Variants in MYH2 observed in about 807,000 individuals in gnomAD.
MYH2 encodes myosin-2.
Under a neutral mutation model 228.1 loss-of-function variants are expected in MYH2, and 139 were observed. The ratio of observed to expected loss-of-function variants is 0.61; its 90% CI spans 0.53 to 0.70. The LOEUF is 0.70. MYH2 is among the 30% of genes least tolerant of loss of function. The pLI, the probability that MYH2 is intolerant of heterozygous loss-of-function variation, is 0.00. For missense variants in MYH2, 1,809 were observed against 2,357.5 expected (o/e 0.77, Z 4.82); for synonymous variants, 796 against 871.1 (o/e 0.91, Z 1.52).
Position 10,529,751 on chromosome 17 carries a change from G to T in MYH2, c.2941-11C>A, listed in dbSNP as rs1327116952. The T allele has an allele frequency of 6.2e-7, 1 of 1,614,038 alleles. No homozygotes were observed. The highest frequency in any genetic ancestry group is 1.7e-5 in the Admixed American group (1 of 60,016). On this transcript the variant is annotated splice_polypyrimidine_tract_variant and intron_variant, in intron 23 of 39. Transcript: ENST00000245503. ...TGTGAGGTTTTTCACCTACAAAGGT[G>T]AAGAAAGCAGTTTAGTTGCTATAAA... is the stretch of plus-strand genomic sequence containing the variant.
At chr17:10,523,021 T>A in intron 39 of MYH2, 69 bp downstream of exon 39, 1 of 1,115,120 alleles carries the variant, frequency 9.0e-7, no homozygotes, top group Non-Finnish European at 1.4e-6. Context: ...AGCAAACAGC[T>A]TGTTCACTAC....
At chr17:10,546,807 T>G (rs1474336907) in intron 4 of MYH2, among the ~76,000 whole-genome samples, 1 of 151,590 alleles carries the variant, frequency 6.6e-6, no homozygotes, top group Non-Finnish European at 1.5e-5. Context: ...AGGCCAGGCA[T>G]GATGGCTTAT....
Position 10,524,069 on chromosome 17 carries a change from T to A in MYH2, c.5176-185A>T, listed in dbSNP as rs1377252647. ...TATAAATGTTATAGAATATTCAGCATCTTCAAGTGTATAGGTCACAAGCAG... is the reference window on the plus strand; with the variant it reads ...TATAAATGTTATAGAATATTCAGCAACTTCAAGTGTATAGGTCACAAGCAG... On this transcript the variant is annotated intron_variant, in intron 35 of 39. Coordinates refer to ENST00000245503, the MANE Select transcript of MYH2 (RefSeq NM_017534.6). This position sits in a 1 kb window ranked among gnomAD's most constrained non-coding sequence, Gnocchi z 4.7. Among the ~76,000 whole-genome samples the A allele has an allele frequency of 6.6e-6, 1 of 152,232 alleles. No homozygotes were observed. Among genetic ancestry groups the A allele is most frequent in the Non-Finnish European group, 1.5e-5 (1 of 68,046 alleles).
Position 10,535,064 on chromosome 17 carries a change from G to A in MYH2, c.2180+9C>T, listed in dbSNP as rs2073467349. The A allele has an allele frequency of 1.2e-6, 2 of 1,613,482 alleles. No homozygotes were observed. The highest frequency in any genetic ancestry group is 1.3e-5 in the African/African-American group (1 of 75,018). ...ACTTCAGAATACACCATAATCAGGA[G>A]AAACTGACCTCTGTTTGAAGTCTGC... On this transcript the variant is annotated intron_variant, in intron 19 of 39. Transcript: ENST00000245503.
At chr17:10,544,228 T>C in intron 5 of MYH2, 101 bp from the exon 6 acceptor site, 1 of 1,455,548 alleles carries the variant, frequency 6.9e-7, no homozygotes, top group Non-Finnish European at 9.4e-7. Flanking sequence ...AGTCTGGACT[T>C]TGCAACCTTT....
At chr17:10,530,742 A>G (rs1038613199) in intron 22 of MYH2, among the ~76,000 whole-genome samples, 2 of 152,204 alleles carry the variant, frequency 1.3e-5, no homozygotes, top group Non-Finnish European at 2.9e-5. Flanking sequence ...GCAGGGTGCT[A>G]TGTATAACTG....
chr17:10,527,915 A>C (rs1388795467), intron 27 of MYH2, 41 bp from the exon 28 acceptor site: 3 of 1,602,422 alleles, frequency 1.9e-6, no homozygotes, highest in Non-Finnish European at 2.6e-6. Context: ...GAGACCTTTT[A>C]AGCGAATAAT....
In MYH2 at chr17:10,539,249, A is replaced by ACAC; in HGVS notation, c.1371_1372insGTG (p.Gln457_Tyr458insVal). 1 of 1,614,250 alleles carries ACAC rather than the reference A, an allele frequency of 6.2e-7. No homozygotes were observed. Among genetic ancestry groups the ACAC allele is most frequent in the Non-Finnish European group, 8.5e-7 (1 of 1,180,050 alleles). ...GCAATGTCCAAGACCCCGATGAAGT[A>ACAC]CTGCCTGGGCTGCTTGGTGTCCAGC... On this transcript the variant is annotated inframe_insertion, in exon 14 of 40. Transcript: ENST00000245503.
rs1376084938 is a variant in MYH2 at position 10,523,588 on chromosome 17, G to C, written c.5380C>G (p.Gln1794Glu). Reference protein sequence around the residue: ...HLERMKKNMEQTVKDLQLRLD... With the variant: ...HLERMKKNMEETVKDLQLRLD... ...CGGAGCTGCAGATCCTTCACGGTCT[G>C]CTCCATGTTCTTCTTCATCCGCTCC... is the stretch of plus-strand genomic sequence containing the variant. Residue 1794 changes from glutamine to glutamate, a missense_variant, in exon 37 of 40, where the codon CAG (glutamine) becomes GAG (glutamate). By Grantham distance (29) the Gln-to-Glu change is conservative (BLOSUM62 2). Around this residue, in one of 9 missense-constraint regions of MYH2, gnomAD observed 278 missense variants for 308.5 expected, o/e 0.90. Coordinates refer to ENST00000245503, the MANE Select transcript of MYH2 (RefSeq NM_017534.6). The C allele has an allele frequency of 6.2e-7, 1 of 1,614,202 alleles. No homozygotes were observed. The highest frequency in any genetic ancestry group is 8.5e-7 in the Non-Finnish European group (1 of 1,180,054).
chr17:10,524,660 T>G lies in MYH2; in HGVS notation c.4981A>C (p.Ile1661Leu), dbSNP rs201263691. The G allele has an allele frequency of 2.0e-5, 33 of 1,614,214 alleles. No individual in the cohort carries two copies. Among genetic ancestry groups the G allele is most frequent in the African/African-American group, 6.7e-5 (5 of 75,056 alleles). ...NTQGILKDTQIHLDDALRSQE... is the reference protein window; with the variant it reads ...NTQGILKDTQLHLDDALRSQE... Reference sequence around the variant, plus strand: ...CTCCGGAGAGCATCATCCAGGTGGATCTGGGTATCCTGTGAAACAAACCAT... The same window carrying G: ...CTCCGGAGAGCATCATCCAGGTGGAGCTGGGTATCCTGTGAAACAAACCAT... The change falls in exon 35 of 40, where the codon ATC (isoleucine) becomes CTC (leucine). Residue 1661 changes from isoleucine to leucine, a missense_variant. Transcript: ENST00000245503. This position sits in a 1 kb window ranked among gnomAD's most constrained non-coding sequence, Gnocchi z 4.7.
rs1027808619 is a variant in MYH2 at position 10,524,350 on chromosome 17, A to C, written c.5175+116T>G. The C allele has an allele frequency of 3.2e-5, 44 of 1,376,314 alleles. No homozygotes were observed. Among genetic ancestry groups the C allele is most frequent in the Non-Finnish European group, 3.3e-5 (32 of 971,862 alleles). 85.3% of individuals were successfully genotyped at this position (1,376,314 alleles called of 1,614,324 possible). A position where few individuals can be genotyped will look rare whatever the true frequency, so the allele number is the denominator to read the frequency against. On this transcript the variant is annotated intron_variant, in intron 35 of 39. Coordinates refer to ENST00000245503, the MANE Select transcript of MYH2 (RefSeq NM_017534.6). This position sits in a 1 kb window ranked among gnomAD's most constrained non-coding sequence, Gnocchi z 4.7. ...TAATGCAGAATTACTATTCTGTATTATTTGAAAAGAAAATTTGATAGACAT... is the reference window on the plus strand; with the variant it reads ...TAATGCAGAATTACTATTCTGTATTCTTTGAAAAGAAAATTTGATAGACAT...
chr17:10,525,747 C>T lies in MYH2; in HGVS notation c.4317G>A (p.Glu1439=), dbSNP rs2073343879. The T allele has an allele frequency of 6.2e-7, 1 of 1,614,222 alleles. No individual in the cohort carries two copies. The highest frequency in any genetic ancestry group is 8.5e-7 in the Non-Finnish European group (1 of 1,180,032). The change falls in exon 31 of 40, where the codon GAG becomes GAA. Residue 1439 remains glutamate, a synonymous_variant. Coordinates refer to ENST00000245503, the MANE Select transcript of MYH2 (RefSeq NM_017534.6). The surrounding 1 kb of genome is among the most constrained non-coding windows in gnomAD (Gnocchi z 4.2). ...GGGCGGCACAGGCGGCATTTGTCCT[C>T]TCCACATCAAGCATGAGGTCCTCGA... ...NEVEDLMLDV[E]RTNAACAALD...
intron 35 of MYH2, 106 bp from the exon 36 acceptor site, chr17:10,523,990 C>A: frequency 1.8e-6 from 2 of 1,087,394 alleles, no homozygotes; most frequent in Non-Finnish European, 2.6e-6. Flanking sequence ...TCAAAAAATG[C>A]CTTTTAATAT....
Position 10,547,772 on chromosome 17 carries a change from C to G in MYH2, c.149G>C (p.Gly50Ala). Residue 50 changes from glycine to alanine, a missense_variant, in exon 3 of 40, where the codon GGG becomes GCG. By Grantham distance (60) the Gly-to-Ala change is moderately conservative. Coordinates refer to ENST00000245503, the MANE Select transcript of MYH2 (RefSeq NM_017534.6). ...TCCTCCTTCTCTGCTCTGGATGGTC[C>G]CTTTGACAAAGGATTCTTTGGGCTC... Reference protein sequence around the residue: ...VAEPKESFVKGTIQSREGGKV... With the variant: ...VAEPKESFVKATIQSREGGKV... 6.2e-7 allele frequency: 1 copy of G among 1,614,196 alleles called. No individual in the cohort carries two copies. Among genetic ancestry groups the G allele is most frequent in the Non-Finnish European group, 8.5e-7 (1 of 1,180,032 alleles).
rs1452623578 is a variant in MYH2 at position 10,547,546 on chromosome 17, T to C, written c.277A>G (p.Met93Val). 4 of 1,614,064 alleles carry C rather than the reference T, an allele frequency of 2.5e-6. No individual in the cohort carries two copies. Among genetic ancestry groups the C allele is most frequent in the African/African-American group, 2.7e-5 (2 of 74,930 alleles). ...GCAGGCTCATGCAGATGAGTCATCA[T>C]GGCCATATCCTCGATCTTGTCATAT... ...PKYDKIEDMA[M>V]MTHLHEPAVL... is the part of the protein sequence containing the mutation. The change falls in exon 4 of 40, where the codon ATG becomes GTG. Residue 93 changes from methionine to valine, a missense_variant. Physicochemically the swap from Met to Val is conservative, Grantham distance 21 (BLOSUM62 1). This residue lies in a region of MYH2 where 373 missense variants were observed against 620.4 expected (regional missense o/e 0.60). Transcript: ENST00000245503.
chr17:10,545,069 A>G (rs1022779870), intron 5 of MYH2, among the ~76,000 whole-genome samples: 2 of 151,712 alleles, frequency 1.3e-5, no homozygotes, highest in Admixed American at 1.3e-4. Flanking sequence ...ATTTTTGCTC[A>G]TATTTATTTG....
chr17:10,549,085 G>T (rs1243644820), intron 2 of MYH2, among the ~76,000 whole-genome samples: 1 of 152,190 alleles, frequency 6.6e-6, no homozygotes, highest in African/African-American at 2.4e-5. Flanking sequence ...TCAAATTTGA[G>T]ATTTTTAGCC....
chr17:10,547,173 G>T (rs2073646232), intron 4 of MYH2, among the ~76,000 whole-genome samples: 1 of 152,172 alleles, frequency 6.6e-6, no homozygotes, highest in South Asian at 2.1e-4. Context: ...GTGGGGAAAA[G>T]GAATGGGGAA....
Position 10,529,342 on chromosome 17 carries a change from A to G in MYH2, c.3257T>C (p.Leu1086Pro). 6.2e-7 allele frequency: 1 copy of G among 1,613,820 alleles called. No individual in the cohort carries two copies. The highest frequency in any genetic ancestry group is 1.1e-5 in the South Asian group (1 of 91,076). ...GCAATTCTTTCTTACTTACTTTTTG[A>G]GCTTTTCATCAAGTTGCTGTTTCTC... Reference protein sequence around the residue: ...ENEKQQLDEKLKKKEFEISNL... With the variant: ...ENEKQQLDEKPKKKEFEISNL... The change falls in exon 25 of 40, where the codon CTC (leucine) becomes CCC (proline). Residue 1086 changes from leucine to proline, a missense_variant. Leu to Pro is a moderately conservative substitution (Grantham distance 98, BLOSUM62 -3). This residue lies in a region of MYH2 where 636 missense variants were observed against 729.9 expected (regional missense o/e 0.87). Transcript: ENST00000245503.
Sources: gnomAD v4.1 joint callset for allele counts (sites outside exome capture counted in the v4.1 genomes callset) on GRCh38, gnomAD v4.1.1 for gene constraint, gnomAD v4.1.1 regional missense constraint, Gnocchi (gnomAD v3.1) non-coding constraint, MANE v1.5 for transcripts, NCBI Gene and HGNC (gene_info 2026-07-23, HGNC 2026-07-21) for gene names.